The following WDR70 variants were observed in gnomAD, a reference collection of about 807,000 sequenced individuals.
The protein encoded by WDR70 is WD repeat domain 70, also known as WD repeat-containing protein 70.
A neutral mutation model predicts 88.6 loss-of-function variants in WDR70; 53 were observed. The ratio of observed to expected loss-of-function variants is 0.60; its 90% CI spans 0.48 to 0.75. The LOEUF is 0.75. WDR70 is among the 30% of genes least tolerant of loss of function. The pLI, the probability that WDR70 is intolerant of heterozygous loss-of-function variation, is 0.00. For synonymous variants in WDR70, 280 were observed against 270.0 expected (o/e 1.04, Z -0.36); for missense variants, 610 against 823.2 (o/e 0.74, Z 3.17).
chr5:37,435,558 G>GA (rs1292240328), intron 5 of WDR70, among the ~76,000 whole-genome samples: 4 of 152,022 alleles, frequency 2.6e-5, no homozygotes, highest in Admixed American at 1.3e-4. Context: ...TCTTTGTCTT[G>GA]AAAAAAACTG....
intron 4 of WDR70, among the ~76,000 whole-genome samples, chr5:37,395,693 A>G (rs1026695012): frequency 1.3e-5 from 2 of 152,194 alleles, no homozygotes; most frequent in Non-Finnish European, 2.9e-5. Flanking sequence ...ATTCAAATAT[A>G]GTTAATTGAG....
At chr5:37,383,610 C>T (rs761143163) in intron 3 of WDR70, among the ~76,000 whole-genome samples, 15 of 140,576 alleles carry the variant, frequency 1.1e-4, no homozygotes, top group Non-Finnish European at 1.5e-4. Context: ...GATGGCGTCT[C>T]GCTCTGTCGC....
chr5:37,599,580 G>C (rs1271342063), intron 9 of WDR70, among the ~76,000 whole-genome samples: 1 of 152,156 alleles, frequency 6.6e-6, no homozygotes, highest in Non-Finnish European at 1.5e-5. Context: ...TGGGATAACT[G>C]GTTATCCATA....
At chr5:37,484,339 G>T (rs995204363) in intron 8 of WDR70, among the ~76,000 whole-genome samples, 20 of 152,346 alleles carry the variant, frequency 1.3e-4, no homozygotes, top group Middle Eastern at 3.4e-3. Context: ...GATCACTTGC[G>T]GTTAGGAGCT....
At chr5:37,646,399 C>T (rs1745241284) in intron 10 of WDR70, among the ~76,000 whole-genome samples, 1 of 152,008 alleles carries the variant, frequency 6.6e-6, no homozygotes, top group African/African-American at 2.4e-5. Context: ...ACCACAATTG[C>T]AGTGTTTTAA....
At chr5:37,389,328 A>C (rs1262371061) in intron 3 of WDR70, among the ~76,000 whole-genome samples, 2 of 147,836 alleles carry the variant, frequency 1.4e-5, no homozygotes, top group Non-Finnish European at 2.9e-5. Flanking sequence ...TCCTGAGCTC[A>C]TGCAAGCCAC....
chr5:37,701,016 A>G, intron 11 of WDR70, 42 bp from the exon 12 acceptor site: 2 of 1,303,390 alleles, frequency 1.5e-6, no homozygotes, highest in Non-Finnish European at 2.2e-6. Flanking sequence ...TTTTTGCACA[A>G]TTCACTTTTC....
chr5:37,645,399 A>T (rs574475918), intron 10 of WDR70, among the ~76,000 whole-genome samples: 4 of 151,960 alleles, frequency 2.6e-5, no homozygotes, highest in Admixed American at 2.6e-4. Flanking sequence ...TTGTTTTGTG[A>T]CTTAACTTAT....
At chr5:37,730,624 T>C (rs148682522) in intron 17 of WDR70, among the ~76,000 whole-genome samples, 72 of 152,284 alleles carry the variant, frequency 4.7e-4, no homozygotes, top group African/African-American at 1.7e-3. Context: ...GTTGTTTCAG[T>C]ATTTTGTAAG....
chr5:37,487,622 TATGTA>T (rs1230909159), intron 8 of WDR70, among the ~76,000 whole-genome samples: 5,148 of 25,448 alleles, frequency 0.2, 144 homozygotes, highest in South Asian at 0.39. Flanking sequence ...TATATATATA[TATGTA>T]TTTTTTTTTT....
intron 9 of WDR70, among the ~76,000 whole-genome samples, chr5:37,520,109 T>A (rs1182001092): frequency 6.6e-6 from 1 of 152,138 alleles, no homozygotes; most frequent in African/African-American, 2.4e-5. Context: ...CAATAAAAAA[T>A]CTTGAAAGTT....
At chr5:37,495,242 G>C (rs1323934345) in intron 8 of WDR70, among the ~76,000 whole-genome samples, 2 of 152,134 alleles carry the variant, frequency 1.3e-5, no homozygotes, top group Non-Finnish European at 2.9e-5. Context: ...TTTTGGATCT[G>C]AGTTCCCAGT....
intron 10 of WDR70, among the ~76,000 whole-genome samples, chr5:37,621,928 G>C (rs945865721): frequency 6.6e-6 from 1 of 152,142 alleles, no homozygotes; most frequent in East Asian, 1.9e-4. Context: ...AAGGGATCCA[G>C]TTTCAGCTTT....
chr5:37,648,011 C>G (rs12332493), intron 10 of WDR70, among the ~76,000 whole-genome samples: 1 of 152,022 alleles, frequency 6.6e-6, no homozygotes, highest in Admixed American at 6.5e-5. Context: ...TTTCCTCCCT[C>G]GACACTTGGG....
At chr5:37,669,004 T>C (rs1470980223) in intron 10 of WDR70, among the ~76,000 whole-genome samples, 1 of 152,240 alleles carries the variant, frequency 6.6e-6, no homozygotes, top group Non-Finnish European at 1.5e-5. Flanking sequence ...TCCTCATTAA[T>C]GGCATAGAGC....
intron 9 of WDR70, among the ~76,000 whole-genome samples, chr5:37,539,497 G>A (rs1450417981): frequency 6.6e-6 from 1 of 152,184 alleles, no homozygotes; most frequent in Non-Finnish European, 1.5e-5. Context: ...AATCAAACCT[G>A]CTGACATCTT....
At chr5:37,637,212 G>A (rs907773463) in intron 10 of WDR70, among the ~76,000 whole-genome samples, 1 of 151,840 alleles carries the variant, frequency 6.6e-6, no homozygotes, top group Non-Finnish European at 1.5e-5. Context: ...CATGATGACA[G>A]GCACCTGTAA....
intron 9 of WDR70, among the ~76,000 whole-genome samples, chr5:37,534,499 C>CTTTTTTTTTT (rs369030841): frequency 1.5e-5 from 2 of 133,194 alleles, no homozygotes; most frequent in Non-Finnish European, 1.6e-5. Flanking sequence ...ACAAATCAGG[C>CTTTTTTTTTT]TTTTTTTTTT....
intron 13 of WDR70, among the ~76,000 whole-genome samples, chr5:37,708,431 C>G (rs1309466267): frequency 1.3e-5 from 2 of 151,644 alleles, no homozygotes; most frequent in African/African-American, 2.4e-5. Context: ...TTATACATAA[C>G]ATTGTATATG....
Sources: gnomAD v4.1 joint callset for allele counts (sites outside exome capture counted in the v4.1 genomes callset) on GRCh38, gnomAD v4.1.1 for gene constraint, MANE v1.5 for transcripts, NCBI Gene and HGNC (gene_info 2026-07-23, HGNC 2026-07-21) for gene names.